The following LRRIQ1 variants were observed in gnomAD, a reference collection of about 807,000 sequenced individuals.
LRRIQ1 encodes leucine rich repeats and IQ motif containing 1.
In LRRIQ1, 210 loss-of-function variants were observed where a neutral mutation model predicts 211.9. That is an observed-to-expected ratio of 0.99 (90% CI 0.89 to 1.11). The LOEUF (loss-of-function observed/expected upper bound fraction) is 1.11. Ranked by LOEUF, LRRIQ1 falls within the 50% of genes most tolerant of loss-of-function variation. The probability of loss-of-function intolerance (pLI) is 0.00; values close to 1 mark genes in which losing one functional copy is unlikely to be tolerated. For synonymous variants in LRRIQ1, 699 were observed against 650.1 expected (o/e 1.08, Z -1.14); for missense variants, 2,136 against 1,939.5 (o/e 1.10, Z -1.90).
At chr12:85,116,171 C>A (rs1225002723) in intron 15 of LRRIQ1, among the ~76,000 whole-genome samples, 11 of 152,214 alleles carry the variant, frequency 7.2e-5, no homozygotes, top group Admixed American at 7.2e-4. Context: ...GAGACGGAGT[C>A]TCGCTCTGTC....
intron 4 of LRRIQ1, among the ~76,000 whole-genome samples, chr12:85,045,389 C>A (rs919730168): frequency 6.6e-6 from 1 of 151,756 alleles, no homozygotes; most frequent in African/African-American, 2.4e-5. Flanking sequence ...TTTCTCCTCC[C>A]TAATGTGTTT....
chr12:85,089,151 G>A (rs1022097364), intron 11 of LRRIQ1, among the ~76,000 whole-genome samples: 4 of 152,166 alleles, frequency 2.6e-5, no homozygotes, highest in African/African-American at 9.7e-5. Context: ...TTAGCATGAA[G>A]TGCTGTTGAA....
chr12:85,262,872 G>C, intron 1 of LRRIQ1: 4 of 885,222 alleles, frequency 4.5e-6, no homozygotes, highest in Non-Finnish European at 5.4e-6. Context: ...TAATGTATTT[G>C]GTTCATATTC....
chr12:85,195,558 G>GAACC (rs1222603988), intron 24 of LRRIQ1, among the ~76,000 whole-genome samples: 1 of 152,028 alleles, frequency 6.6e-6, no homozygotes, highest in Non-Finnish European at 1.5e-5. Context: ...CATATAAACA[G>GAACC]AACCAAAGAC....
intron 11 of LRRIQ1, among the ~76,000 whole-genome samples, chr12:85,079,244 C>CTTTTTTTTTTTTTT (rs3058476): frequency 1.9e-5 from 2 of 103,578 alleles, no homozygotes; most frequent in African/African-American, 4.1e-5. Flanking sequence ...GTATCTTTAT[C>CTTTTTTTTTTTTTT]TTTTTTTTTT....
chr12:85,244,913 A>G lies in LRRIQ1; in HGVS notation c.5141A>G (p.Lys1714Arg), dbSNP rs565483896. The G allele has an allele frequency of 2.5e-5, 40 of 1,610,784 alleles. No homozygotes were observed. In the Admixed American group the frequency reaches 6.5e-4, roughly 26 times the overall value. Residue 1714 changes from lysine to arginine, a missense_variant, in exon 27 of 27, where the codon AAG becomes AGG. By Grantham distance (26) the Lys-to-Arg change is conservative (BLOSUM62 2). Transcript: ENST00000393217. ...AGACACTCAGCAGGATCTTCAAGTAAGTTGTGGTTTCCTTCAAAATTAATT... is the reference window on the plus strand; with the variant it reads ...AGACACTCAGCAGGATCTTCAAGTAGGTTGTGGTTTCCTTCAAAATTAATT... ...AHRHSAGSSS[K>R]LWFPSKLI
chr12:85,192,411 A>C (rs1181976273), intron 24 of LRRIQ1, among the ~76,000 whole-genome samples: 1 of 135,170 alleles, frequency 7.4e-6, no homozygotes, highest in Non-Finnish European at 1.5e-5. Context: ...TATTTATATA[A>C]TTATATACAT....
intron 24 of LRRIQ1, among the ~76,000 whole-genome samples, chr12:85,213,049 C>A (rs1057425093): frequency 6.6e-6 from 1 of 151,028 alleles, no homozygotes; most frequent in African/African-American, 2.4e-5. Context: ...GATTAAATAG[C>A]CCAGGTAGCA....
intron 24 of LRRIQ1, among the ~76,000 whole-genome samples, chr12:85,181,302 G>GAAT (rs1891970733): frequency 6.6e-6 from 1 of 151,858 alleles, no homozygotes; most frequent in Non-Finnish European, 1.5e-5. Flanking sequence ...TTTTCATGAA[G>GAAT]AATAGAAAAA....
downstream of LRRIQ1, among the ~76,000 whole-genome samples, chr12:85,267,875 G>A (rs1185054606): frequency 6.6e-6 from 1 of 151,902 alleles, no homozygotes; most frequent in Non-Finnish European, 1.5e-5. Context: ...TGGGCATCTT[G>A]AACAAGTGAC....
intron 24 of LRRIQ1, among the ~76,000 whole-genome samples, chr12:85,173,563 A>G (rs773079506): frequency 3.3e-5 from 5 of 152,082 alleles, no homozygotes; most frequent in African/African-American, 9.7e-5. Context: ...ATGTGCAAAT[A>G]CACTCTTTTT....
intron 15 of LRRIQ1, among the ~76,000 whole-genome samples, chr12:85,111,691 A>G (rs1032947396): frequency 2.0e-5 from 3 of 152,142 alleles, no homozygotes; most frequent in Non-Finnish European, 2.9e-5. Flanking sequence ...AGTTCTGAAT[A>G]TATTTCTGGC....
intron 10 of LRRIQ1, among the ~76,000 whole-genome samples, chr12:85,068,837 C>T (rs541855588): frequency 1.3e-5 from 2 of 150,000 alleles, no homozygotes; most frequent in South Asian, 2.1e-4. Context: ...TGTGAATTGT[C>T]TTACAGAATG....
At position 85,127,859 on chromosome 12, in the gene LRRIQ1, C is replaced by T. The variant is rs1565854043; in HGVS notation, c.4035C>T (p.Tyr1345=). Residue 1345 remains tyrosine (Y), a synonymous_variant, in exon 18 of 27, where the codon TAC becomes TAT. Coordinates refer to ENST00000393217, the MANE Select transcript of LRRIQ1 (RefSeq NM_001079910.2). ...TGGCAGCTGTGGTAATCCAGTCATA[C>T]TGGCGTGGTTACCTCATGCGCAGAC... ...KIMAAVVIQS[Y]WRGYLMRRQT... 2 of 1,613,854 alleles carry T rather than the reference C, an allele frequency of 1.2e-6. No homozygotes were observed. Among genetic ancestry groups the T allele is most frequent in the Non-Finnish European group, 1.7e-6 (2 of 1,179,952 alleles).
intron 1 of LRRIQ1, among the ~76,000 whole-genome samples, chr12:85,250,383 C>T (rs183493156): frequency 3.4e-4 from 51 of 151,808 alleles, no homozygotes; most frequent in Non-Finnish European, 6.3e-4. Flanking sequence ...ATACCACAAT[C>T]AGAAGATGCA....
rs750902787 is a variant in LRRIQ1 at position 85,124,094 on chromosome 12, A to G, written c.3582A>G (p.Ala1194=). Residue 1194 remains alanine, a synonymous_variant, in exon 17 of 27, where the codon GCA becomes GCG. Transcript: ENST00000393217. ...GAGATGTATTTACCTTGGATACTGCAGAAAATCTCTGTCATTATTTTAAGA... is the reference window on the plus strand; with the variant it reads ...GAGATGTATTTACCTTGGATACTGCGGAAAATCTCTGTCATTATTTTAAGA... ...GKGDVFTLDT[A]ENLCHYFKKL... is the part of the protein sequence containing the mutation. The G allele has an allele frequency of 9.3e-6, 15 of 1,612,370 alleles. No individual in the cohort carries two copies. Among genetic ancestry groups the G allele is most frequent in the Non-Finnish European group, 1.1e-5 (13 of 1,178,614 alleles).
In LRRIQ1 at chr12:85,222,242, C is replaced by T. The variant is rs747630296; in HGVS notation, c.4823-7275C>T. Among the ~76,000 whole-genome samples the T allele has an allele frequency of 1.3e-3, 197 of 151,930 alleles. 1 individual carries two copies. The highest frequency in any genetic ancestry group is 2.6e-3 in the Non-Finnish European group (174 of 67,988). On this transcript the variant is annotated intron_variant, in intron 24 of 26. Coordinates refer to ENST00000393217, the MANE Select transcript of LRRIQ1 (RefSeq NM_001079910.2). ...ATGTCTCAGAAGGAAATAAAGATGG[C>T]AATTGAAGCATTTGAATGGATATCA...
In LRRIQ1 at chr12:85,098,492, G is replaced by A. The variant is rs146743834; in HGVS notation, c.3025G>A (p.Val1009Ile). The A allele has an allele frequency of 2.7e-5, 43 of 1,611,098 alleles. 1 individual carries two copies. The East Asian group carries it at 3.1e-4, about 12-fold the overall frequency. Reference protein sequence around the residue: ...SHNHLTDVEGVENCGLLQILK... With the variant: ...SHNHLTDVEGIENCGLLQILK... Reference sequence around the variant, plus strand: ...TAATCATCTTACTGATGTAGAGGGCGTTGAAAATTGTGGATTGCTCCAAAT... The same window carrying A: ...TAATCATCTTACTGATGTAGAGGGCATTGAAAATTGTGGATTGCTCCAAAT... Residue 1009 changes from valine to isoleucine, a missense_variant, in exon 12 of 27, where the codon GTT becomes ATT. Coordinates refer to ENST00000393217, the MANE Select transcript of LRRIQ1 (RefSeq NM_001079910.2).
chr12:85,140,212 C>G (rs1014855752), intron 19 of LRRIQ1, among the ~76,000 whole-genome samples: 1 of 151,262 alleles, frequency 6.6e-6, no homozygotes. Flanking sequence ...CAGTTTTCCA[C>G]AACAAACCTC....
Sources: allele counts gnomAD v4.1 joint callset (sites outside exome capture counted in the v4.1 genomes callset), GRCh38; gene constraint gnomAD v4.1.1; transcripts MANE v1.5; gene names NCBI Gene and HGNC (gene_info 2026-07-23, HGNC 2026-07-21).